The following SPATA7 variants were observed in gnomAD, a reference collection of about 807,000 sequenced individuals.
SPATA7 encodes the protein spermatogenesis-associated protein 7.
A neutral mutation model predicts 51.8 loss-of-function variants in SPATA7; 43 were observed. The ratio of observed to expected loss-of-function variants is 0.83; its 90% CI spans 0.65 to 1.07. The LOEUF is 1.07. Ranked by LOEUF, SPATA7 falls within the 50% of genes least tolerant of loss-of-function variation. The pLI, the probability that SPATA7 is intolerant of heterozygous loss-of-function variation, is 0.00. For synonymous variants in SPATA7, 230 were observed against 252.8 expected, an observed-to-expected ratio of 0.91 and a Z score of 0.86; for missense variants, 683 against 701.3, an observed-to-expected ratio of 0.97 and a Z score of 0.30.
At chr14:88,397,762 G>A (rs2075929571) in intron 4 of SPATA7, among the ~76,000 whole-genome samples, 1 of 151,956 alleles carries the variant, frequency 6.6e-6, no homozygotes, top group Non-Finnish European at 1.5e-5. Flanking sequence ...CCAAAAATTT[G>A]AAAACCCTGT....
chr14:88,386,082 T>A (rs911215563), intron 1 of SPATA7: 2 of 1,391,356 alleles, frequency 1.4e-6, no homozygotes, highest in Non-Finnish European at 1.9e-6. Context: ...GGCCCCTGTC[T>A]CCTGAACTCA....
intron 5 of SPATA7, among the ~76,000 whole-genome samples, chr14:88,421,112 CA>C (rs919567876): frequency 3.5e-4 from 50 of 142,864 alleles, no homozygotes; most frequent in Middle Eastern, 3.6e-3. Flanking sequence ...AACTCCGTCT[CA>C]AAAAAAAAAA....
At chr14:88,400,699 G>T (rs2076031938) in intron 4 of SPATA7, among the ~76,000 whole-genome samples, 2 of 152,062 alleles carry the variant, frequency 1.3e-5, no homozygotes, top group Admixed American at 1.3e-4. Context: ...GCCAGATGTG[G>T]TGTTGCACAC....
chr14:88,463,870 C>CA (rs2077333808), intron 4 of SPATA7, among the ~76,000 whole-genome samples: 3 of 151,564 alleles, frequency 2.0e-5, no homozygotes, highest in Non-Finnish European at 4.4e-5. Context: ...TTTTTTGAGA[C>CA]AGAGTCTTGC....
At chr14:88,403,361 T>G (rs952286478) in intron 4 of SPATA7, among the ~76,000 whole-genome samples, 3 of 152,200 alleles carry the variant, frequency 2.0e-5, no homozygotes, top group Admixed American at 2.0e-4. Context: ...CAAGGAGATA[T>G]CTGTTCTCCC....
chr14:88,465,046 C>T (rs772096700), intron 4 of SPATA7, among the ~76,000 whole-genome samples: 5 of 152,304 alleles, frequency 3.3e-5, no homozygotes, highest in Middle Eastern at 3.4e-3. Flanking sequence ...TAAGGAAGCA[C>T]AGGCCCAGCT....
At chr14:88,393,786 T>C (rs1048645814) in intron 3 of SPATA7, 6 of 255,000 alleles carry the variant, frequency 2.4e-5, no homozygotes, top group Non-Finnish European at 4.5e-5. Flanking sequence ...CTTTTTTGTT[T>C]ACACATCTAT....
chr14:88,463,770 G>A (rs1421963319), intron 4 of SPATA7, among the ~76,000 whole-genome samples: 1 of 152,094 alleles, frequency 6.6e-6, no homozygotes, highest in Non-Finnish European at 1.5e-5. Context: ...GACTTCAAAT[G>A]TTTTCTAAAA....
At chr14:88,447,569 C>T (rs1566794523) in intron 3 of SPATA7, among the ~76,000 whole-genome samples, 1 of 152,030 alleles carries the variant, frequency 6.6e-6, no homozygotes, top group Non-Finnish European at 1.5e-5. Context: ...GATGTAGTTT[C>T]TTCGTAGTCT....
chr14:88,429,160 TTTATC>T, intron 7 of SPATA7, 183 bp from the exon 8 acceptor site: 2 of 403,122 alleles, frequency 5.0e-6, no homozygotes, highest in South Asian at 7.8e-5. Context: ...AATAAGTCAT[TTTATC>T]TTTAAGTTTA....
At chr14:88,412,202 GTTAT>G (rs554459164) in intron 4 of SPATA7, among the ~76,000 whole-genome samples, 76 of 147,960 alleles carry the variant, frequency 5.1e-4, no homozygotes, top group Non-Finnish European at 8.7e-4. Context: ...TTTTAATGGG[GTTAT>G]TTGTTTTTCT....
intron 9 of SPATA7, chr14:88,432,885 T>C (rs1364457241): frequency 2.6e-6 from 1 of 385,768 alleles, no homozygotes; most frequent in East Asian, 4.4e-5. Flanking sequence ...GCTTGTTTTT[T>C]ACTGCTATGG....
Position 88,433,290 on chromosome 14 carries a change from T to A in SPATA7, c.1160+78T>A, listed in dbSNP as rs1166725481. On this transcript the variant is annotated intron_variant, in intron 10 of 11. Transcript: ENST00000393545. ...CATATTTCTTCATATGATGTTAAAATTTTAAAGTTATTTTCCCATATTAGG... is the reference window on the plus strand; with the variant it reads ...CATATTTCTTCATATGATGTTAAAAATTTAAAGTTATTTTCCCATATTAGG... 5.7e-6 allele frequency: 6 copies of A among 1,060,818 alleles called. No homozygotes were observed. The Admixed American group carries it at 1.3e-4, about 22-fold the overall frequency. 65.7% of individuals were successfully genotyped at this position (1,060,818 alleles called of 1,614,324 possible).
At chr14:88,389,849 A>T (rs1402985197) in intron 1 of SPATA7, among the ~76,000 whole-genome samples, 2 of 152,202 alleles carry the variant, frequency 1.3e-5, no homozygotes, top group Non-Finnish European at 2.9e-5. Flanking sequence ...ACCTATAGTG[A>T]AACATACATA....
chr14:88,468,370 G>A (rs752460122), intron 4 of SPATA7: 39 of 1,135,902 alleles, frequency 3.4e-5, no homozygotes, highest in Non-Finnish European at 3.9e-5. Context: ...GAGATGGACA[G>A]TCTCTTTTCC....
intron 10 of SPATA7, 124 bp downstream of exon 10, chr14:88,433,336 TTCTTG>T: frequency 1.4e-6 from 1 of 692,004 alleles, no homozygotes; most frequent in Non-Finnish European, 2.4e-6. Context: ...ATATATTGCT[TTCTTG>T]GAAACTTATT....
chr14:88,421,062 T>C (rs2076628244), intron 5 of SPATA7, among the ~76,000 whole-genome samples: 1 of 151,904 alleles, frequency 6.6e-6, no homozygotes, highest in Non-Finnish European at 1.5e-5. Context: ...CTCAATGAGC[T>C]GAGTTAACGC....
downstream of SPATA7, among the ~76,000 whole-genome samples, chr14:88,439,362 T>C (rs556538250): frequency 4.4e-4 from 67 of 152,310 alleles, no homozygotes; most frequent in African/African-American, 1.5e-3. Context: ...CCTACCCTTG[T>C]AGCTCATGAA....
chr14:88,398,186 T>C (rs1187684461), intron 4 of SPATA7, among the ~76,000 whole-genome samples: 1 of 152,030 alleles, frequency 6.6e-6, no homozygotes, highest in Non-Finnish European at 1.5e-5. Flanking sequence ...ATACGTATGT[T>C]TATTGCAGCA....
Sources: gnomAD v4.1 joint callset for allele counts (sites outside exome capture counted in the v4.1 genomes callset) on GRCh38, gnomAD v4.1.1 for gene constraint, MANE v1.5 for transcripts, NCBI Gene and HGNC (gene_info 2026-07-23, HGNC 2026-07-21) for gene names.